The following KIRREL3 variants were observed in gnomAD, a reference collection of about 807,000 sequenced individuals.
The protein encoded by KIRREL3 is kirre like nephrin family adhesion molecule 3, also known as kin of IRRE-like protein 3.
A neutral mutation model predicts 89.7 loss-of-function variants in KIRREL3; 36 were observed. The ratio of observed to expected loss-of-function variants is 0.40; its 90% CI spans 0.31 to 0.53. The LOEUF (loss-of-function observed/expected upper bound fraction) is 0.53, where lower values mean the gene tolerates loss of function less well. Among genes scored for constraint, KIRREL3 ranks in the 20% least tolerant of loss-of-function variants. The pLI is 0.49. For synonymous variants in KIRREL3, 445 were observed against 441.4 expected, an observed-to-expected ratio of 1.01 and a Z score of -0.10; for missense variants, 864 against 1,056.6, an observed-to-expected ratio of 0.82 and a Z score of 2.53.
At chr11:126,722,070 T>C (rs534572017) in intron 1 of KIRREL3, among the ~76,000 whole-genome samples, 1 of 152,356 alleles carries the variant, frequency 6.6e-6, no homozygotes, top group East Asian at 1.9e-4. Flanking sequence ...ACTTCCAGCC[T>C]TGTCTTCTGT....
In KIRREL3 at chr11:126,877,484, A is replaced by G. The variant is rs1385028791; in HGVS notation, c.55+122971T>C. On this transcript the variant is annotated intron_variant, in intron 1 of 16. Transcript: ENST00000525144. The surrounding 1 kb of genome is among the most constrained non-coding windows in gnomAD (Gnocchi z 4.9). ...TGGAAAGAATCTCTTTCCTCCACTCACTCACTTCCCTCCCCAACTTCCCAT... is the reference window on the plus strand; with the variant it reads ...TGGAAAGAATCTCTTTCCTCCACTCGCTCACTTCCCTCCCCAACTTCCCAT... 6.6e-6 allele frequency among the ~76,000 whole-genome samples: 1 copy of G among 151,950 alleles called. No individual in the cohort carries two copies. The highest frequency in any genetic ancestry group is 1.5e-5 in the Non-Finnish European group (1 of 67,976).
At position 126,918,657 on chromosome 11, in the gene KIRREL3, A is replaced by C. The variant is rs1947138326; in HGVS notation, c.55+81798T>G. 1.3e-5 allele frequency among the ~76,000 whole-genome samples: 2 copies of C among 152,240 alleles called. No homozygotes were observed. The highest frequency in any genetic ancestry group is 6.5e-5 in the Admixed American group (1 of 15,288). On this transcript the variant is annotated intron_variant, in intron 1 of 16. Transcript: ENST00000525144. This position sits in a 1 kb window ranked among gnomAD's most constrained non-coding sequence, Gnocchi z 6.5. Reference sequence around the variant, plus strand: ...AATCTAAGAAAGGGATTGCAAATACATAGAAAGGCTATTCCATTCTTCATC... The same window carrying C: ...AATCTAAGAAAGGGATTGCAAATACCTAGAAAGGCTATTCCATTCTTCATC...
In KIRREL3 at chr11:126,495,921, G is replaced by T. The variant is rs1168899142; in HGVS notation, c.434-22455C>A. On this transcript the variant is annotated intron_variant, in intron 4 of 16. Coordinates refer to ENST00000525144, the MANE Select transcript of KIRREL3 (RefSeq NM_032531.4). This position sits in a 1 kb window ranked among gnomAD's most constrained non-coding sequence, Gnocchi z 6.5. ...TTTCTCTCGTATCCTAATTGCTGTGGGCTCCACCTTTGAAACATGCACAGA... is the reference window on the plus strand; with the variant it reads ...TTTCTCTCGTATCCTAATTGCTGTGTGCTCCACCTTTGAAACATGCACAGA... 6.6e-6 allele frequency among the ~76,000 whole-genome samples: 1 copy of T among 152,148 alleles called. No homozygotes were observed. The highest frequency in any genetic ancestry group is 1.5e-5 in the Non-Finnish European group (1 of 68,028).
At chr11:126,930,403 A>G (rs1419297299) in intron 1 of KIRREL3, among the ~76,000 whole-genome samples, 1 of 152,158 alleles carries the variant, frequency 6.6e-6, no homozygotes, top group African/African-American at 2.4e-5. Context: ...AAGCATTGGA[A>G]TTGGGCTGCT....
chr11:126,781,872 C>T (rs756965233), intron 1 of KIRREL3, among the ~76,000 whole-genome samples: 11 of 152,120 alleles, frequency 7.2e-5, no homozygotes, highest in African/African-American at 1.7e-4. Context: ...GCCACTTATA[C>T]GATAGATTTT....
intron 1 of KIRREL3, among the ~76,000 whole-genome samples, chr11:126,894,007 T>C (rs945983934): frequency 1.3e-5 from 2 of 152,120 alleles, no homozygotes; most frequent in Non-Finnish European, 2.9e-5. Flanking sequence ...TATGACAGTG[T>C]TGAGATTCAA....
rs1307484747 is a variant in KIRREL3, at chr11:126,614,955, G to C, written c.56-52043C>G. 1.3e-5 allele frequency among the ~76,000 whole-genome samples: 2 copies of C among 152,030 alleles called. No homozygotes were observed. Among genetic ancestry groups the C allele is most frequent in the Non-Finnish European group, 2.9e-5 (2 of 68,008 alleles). ...AGATAAGGTAGGCTTATTATTTTTC[G>C]AGTGGAACTGGGACTGTTTAGCCTA... On this transcript the variant is annotated intron_variant, in intron 1 of 16. Coordinates refer to ENST00000525144, the MANE Select transcript of KIRREL3 (RefSeq NM_032531.4). This position sits in a 1 kb window ranked among gnomAD's most constrained non-coding sequence, Gnocchi z 4.6.
intron 1 of KIRREL3, among the ~76,000 whole-genome samples, chr11:126,825,976 G>T (rs572742485): frequency 6.6e-6 from 1 of 152,244 alleles, no homozygotes; most frequent in African/African-American, 2.4e-5. Context: ...TCCCAGTTGG[G>T]TTCAGCCTTT....
rs1214979803 is a variant in KIRREL3 at position 126,970,810 on chromosome 11, TA to T, written c.55+29644del. Among the ~76,000 whole-genome samples, 1 of 152,142 alleles carries T rather than the reference TA, an allele frequency of 6.6e-6. No individual in the cohort carries two copies. Among genetic ancestry groups the T allele is most frequent in the Non-Finnish European group, 1.5e-5 (1 of 68,024 alleles). On this transcript the variant is annotated intron_variant, in intron 1 of 16. Transcript: ENST00000525144. The surrounding 1 kb of genome is among the most constrained non-coding windows in gnomAD (Gnocchi z 4.4). ...AGAACAAGGTTTTCCTAGTTTCAAATAAGTGATATCTAAGGACCCATAGAAA... is the reference window on the plus strand; with the variant it reads ...AGAACAAGGTTTTCCTAGTTTCAAATAGTGATATCTAAGGACCCATAGAAA...
chr11:126,830,291 T>C lies in KIRREL3; in HGVS notation c.55+170164A>G, dbSNP rs922381338. Among the ~76,000 whole-genome samples, 6 of 152,216 alleles carry C rather than the reference T, an allele frequency of 3.9e-5. No individual in the cohort carries two copies. The highest frequency in any genetic ancestry group is 7.3e-5 in the Non-Finnish European group (5 of 68,038). On this transcript the variant is annotated intron_variant, in intron 1 of 16. Transcript: ENST00000525144. This position sits in a 1 kb window ranked among gnomAD's most constrained non-coding sequence, Gnocchi z 4.9. Reference sequence around the variant, plus strand: ...ACCAGCAGCTGCAAATATTCATTAATAATATTTTGTTTGGGTTCCCACTTG... The same window carrying C: ...ACCAGCAGCTGCAAATATTCATTAACAATATTTTGTTTGGGTTCCCACTTG...
chr11:126,730,393 G>A (rs145797351), intron 1 of KIRREL3, among the ~76,000 whole-genome samples: 3 of 152,236 alleles, frequency 2.0e-5, no homozygotes, highest in East Asian at 1.9e-4. Flanking sequence ...CACCCTATAC[G>A]TCTGGTCAAT....
chr11:126,923,095 T>TCTCCTTCTCCTTCTC (rs1947422040), intron 1 of KIRREL3, among the ~76,000 whole-genome samples: 8 of 115,704 alleles, frequency 6.9e-5, no homozygotes, highest in African/African-American at 2.9e-4. Context: ...ATCTTCTTCT[T>TCTCCTTCTCCTTCTC]CTTCTTCTCC....
intron 1 of KIRREL3, among the ~76,000 whole-genome samples, chr11:126,732,429 T>C (rs949755966): frequency 1.3e-5 from 2 of 152,154 alleles, no homozygotes; most frequent in African/African-American, 4.8e-5. Flanking sequence ...AGCAAAGCAA[T>C]GCTTCATTGT....
At chr11:126,504,123 G>A (rs1287678496) in intron 4 of KIRREL3, among the ~76,000 whole-genome samples, 2 of 152,118 alleles carry the variant, frequency 1.3e-5, no homozygotes, top group Non-Finnish European at 2.9e-5. Flanking sequence ...TTGCGTCCAA[G>A]CTTTGTAGGG....
chr11:126,774,121 T>A (rs952605193), intron 1 of KIRREL3, among the ~76,000 whole-genome samples: 4 of 151,706 alleles, frequency 2.6e-5, no homozygotes, highest in Admixed American at 2.6e-4. Flanking sequence ...TGTAGGAGCT[T>A]GTATTTAATC....
chr11:126,482,547 T>C (rs1053897834), intron 4 of KIRREL3, among the ~76,000 whole-genome samples: 2 of 152,224 alleles, frequency 1.3e-5, no homozygotes, highest in African/African-American at 2.4e-5. Context: ...GAGAAAATGC[T>C]TTGTAAAGGG....
At chr11:126,963,114 AG>A (rs1224535883) in intron 1 of KIRREL3, among the ~76,000 whole-genome samples, 1 of 152,186 alleles carries the variant, frequency 6.6e-6, no homozygotes, top group Non-Finnish European at 1.5e-5. Context: ...AATATATCTG[AG>A]GTATTCCTGT....
In KIRREL3 at chr11:126,563,340, G is replaced by A. The variant is rs1385921341; in HGVS notation, c.56-428C>T. Among the ~76,000 whole-genome samples, 2 of 152,206 alleles carry A rather than the reference G, an allele frequency of 1.3e-5. No homozygotes were observed. Among genetic ancestry groups the A allele is most frequent in the African/African-American group, 4.8e-5 (2 of 41,458 alleles). ...GACTGTGGCCAGACCTGCCAGGGAT[G>A]ATGCAGAATCTATCCAGTCGTGTCT... On this transcript the variant is annotated intron_variant, in intron 1 of 16. Coordinates refer to ENST00000525144, the MANE Select transcript of KIRREL3 (RefSeq NM_032531.4). The surrounding 1 kb of genome is among the most constrained non-coding windows in gnomAD (Gnocchi z 6.8).
intron 1 of KIRREL3, among the ~76,000 whole-genome samples, chr11:126,757,860 C>A (rs11220604): frequency 0.24 from 36,028 of 152,136 alleles, 4,999 homozygotes; most frequent in African/African-American, 0.37. Flanking sequence ...CCCATCTGTA[C>A]ATTGAGATAC....
Sources: allele counts gnomAD v4.1 joint callset (sites outside exome capture counted in the v4.1 genomes callset), GRCh38; gene constraint gnomAD v4.1.1; non-coding constraint Gnocchi (gnomAD v3.1); transcripts MANE v1.5; gene names NCBI Gene and HGNC (gene_info 2026-07-23, HGNC 2026-07-21).